UBA2: variants seen among roughly 807,000 people sequenced by gnomAD.
UBA2 encodes SUMO-activating enzyme subunit 2.
UBA2 carries 11 observed loss-of-function variants against 77.2 expected under a neutral mutation model. The ratio of observed to expected loss-of-function variants is 0.14; its 90% confidence interval spans 0.09 to 0.24. UBA2 has a LOEUF of 0.24. UBA2 is among the 10% of genes least tolerant of loss of function. The probability of loss-of-function intolerance (pLI) is 1.00; values close to 1 mark genes in which losing one functional copy is unlikely to be tolerated. For missense variants in UBA2, 487 were observed against 781.7 expected (o/e 0.62, Z 4.50); for synonymous variants, 278 against 276.7 (o/e 1.00, Z -0.05).
chr19:34,450,007 C>A (rs574730392), intron 8 of UBA2, among the ~76,000 whole-genome samples: 1 of 152,224 alleles, frequency 6.6e-6, no homozygotes, highest in South Asian at 2.1e-4. Context: ...CTTAGGAAGG[C>A]AGGGGCAGTC....
At chr19:34,439,838 A>G (rs551778523) in intron 6 of UBA2, among the ~76,000 whole-genome samples, 1 of 151,934 alleles carries the variant, frequency 6.6e-6, no homozygotes, top group Non-Finnish European at 1.5e-5. Flanking sequence ...AAGAAAGAAA[A>G]AAAGAATGAG....
intron 7 of UBA2, 104 bp downstream of exon 7, chr19:34,444,015 A>G (rs1472291808): frequency 5.5e-6 from 3 of 543,854 alleles, no homozygotes; most frequent in Non-Finnish European, 9.9e-6. Flanking sequence ...TGTGCTAGGT[A>G]ATGTGTGTTT....
intron 4 of UBA2, among the ~76,000 whole-genome samples, chr19:34,433,757 C>T (rs182081954): frequency 2.0e-5 from 3 of 152,192 alleles, no homozygotes; most frequent in African/African-American, 7.2e-5. Flanking sequence ...GTCAGGAGTT[C>T]GAGACCAACC....
intron 12 of UBA2, among the ~76,000 whole-genome samples, chr19:34,456,874 A>G (rs114351382): frequency 2.8e-4 from 43 of 152,090 alleles, no homozygotes; most frequent in African/African-American, 9.2e-4. Context: ...CAGTTTTTAA[A>G]TTATTTAAAA....
At chr19:34,432,919 T>C (rs1418899623) in intron 3 of UBA2, among the ~76,000 whole-genome samples, 1 of 152,154 alleles carries the variant, frequency 6.6e-6, no homozygotes, top group Non-Finnish European at 1.5e-5. Flanking sequence ...ATAACCTCCT[T>C]ACCCTGTGTT....
intron 2 of UBA2, 69 bp from the exon 3 acceptor site, chr19:34,431,792 G>A: frequency 7.2e-7 from 1 of 1,381,476 alleles, no homozygotes; most frequent in South Asian, 1.2e-5. Flanking sequence ...ACAGCATTGT[G>A]GCTTCCAGAA....
At chr19:34,459,072 C>T (rs2075603527) in intron 13 of UBA2, 148 bp downstream of exon 13, 2 of 815,108 alleles carry the variant, frequency 2.5e-6, no homozygotes, top group African/African-American at 3.5e-5. Flanking sequence ...TGGATTCCTG[C>T]AGGCTTTTCT....
At chr19:34,437,638 G>T (rs1383822905) in intron 5 of UBA2, among the ~76,000 whole-genome samples, 26 of 152,078 alleles carry the variant, frequency 1.7e-4, no homozygotes, top group Non-Finnish European at 3.8e-4. Context: ...AGAGACTGAG[G>T]TTAGGAATAT....
chr19:34,458,922 A>G lies in UBA2; in HGVS notation c.1399A>G (p.Lys467Glu). 6.2e-7 allele frequency: 1 copy of G among 1,613,228 alleles called. No homozygotes were observed. Among genetic ancestry groups the G allele is most frequent in the East Asian group, 2.2e-5 (1 of 44,846 alleles). Residue 467 changes from lysine (K) to glutamate (E), a missense_variant and splice_region_variant, in exon 13 of 17, where the codon AAG becomes GAG. Around this residue, in one of 9 missense-constraint regions of UBA2, gnomAD observed 300 missense variants for 454.3 expected, o/e 0.66. Transcript: ENST00000246548. ...AGTGACTGTTCTCACCTTACAAGACAAGGTCAGTGCAAGGCCTGGGTCTCT... is the reference window on the plus strand; with the variant it reads ...AGTGACTGTTCTCACCTTACAAGACGAGGTCAGTGCAAGGCCTGGGTCTCT... Reference protein sequence around the residue: ...HKVTVLTLQDKIVKEKFAMVA... With the variant: ...HKVTVLTLQDEIVKEKFAMVA...
At chr19:34,458,578 AAAAAAAAAAAAAAAG>A in intron 12 of UBA2, 176 bp from the exon 13 acceptor site, 1 of 377,056 alleles carries the variant, frequency 2.7e-6, no homozygotes, top group Non-Finnish European at 4.7e-6. Context: ...AAAAAAAAAA[AAAAAAAAAAAAAAAG>A]AAGGTTGAAA....
intron 3 of UBA2, among the ~76,000 whole-genome samples, chr19:34,432,662 A>T (rs2075268485): frequency 6.6e-6 from 1 of 152,052 alleles, no homozygotes; most frequent in South Asian, 2.1e-4. Context: ...GGTTCAAGCG[A>T]TTCTCCTGTC....
chr19:34,438,822 C>T, intron 6 of UBA2, 56 bp downstream of exon 6: 1 of 1,597,182 alleles, frequency 6.3e-7, no homozygotes. Context: ...AAAATGGAGT[C>T]ATTTTTATTT....
chr19:34,462,194 C>T (rs2075638824), intron 14 of UBA2, among the ~76,000 whole-genome samples: 1 of 152,108 alleles, frequency 6.6e-6, no homozygotes. Context: ...AGGGTTTAAA[C>T]AGGGGAGTAG....
At position 34,435,317 on chromosome 19, in the gene UBA2, G is replaced by A. The variant is rs567624324; in HGVS notation, c.459+349G>A. ...GGAGGCTGAGCCAGGCGAATCACTT[G>A]AACCTGAGAGGCAGAGGTTGCAGTA... On this transcript the variant is annotated intron_variant, in intron 5 of 16. Transcript: ENST00000246548. 8.7e-4 allele frequency among the ~76,000 whole-genome samples: 132 copies of A among 152,328 alleles called. 1 individual carries two copies. Among genetic ancestry groups the A allele is most frequent in the Middle Eastern group, 3.4e-3 (1 of 294 alleles).
intron 6 of UBA2, 71 bp from the exon 7 acceptor site, chr19:34,443,773 G>A: frequency 9.5e-7 from 1 of 1,049,468 alleles, no homozygotes; most frequent in Non-Finnish European, 1.5e-6. Flanking sequence ...TAAATATTTG[G>A]AATATTCTAA....
intron 16 of UBA2, 119 bp downstream of exon 16, chr19:34,467,133 G>A: frequency 8.1e-7 from 1 of 1,228,450 alleles, no homozygotes; most frequent in South Asian, 1.5e-5. Context: ...GTATTGGTTT[G>A]GTATTGATTG....
At chr19:34,428,789 C>T (rs2075217696) in intron 1 of UBA2, 4 of 1,146,708 alleles carry the variant, frequency 3.5e-6, no homozygotes, top group Non-Finnish European at 4.3e-6. Context: ...CGGCTCCGGA[C>T]GCCGAGGAGG....
Position 34,470,096 on chromosome 19 carries a change from A to AC in UBA2, c.*875_*876insC, listed in dbSNP as rs1366775206. 1 of 151,266 alleles carries AC rather than the reference A, an allele frequency of 6.6e-6. No homozygotes were observed. Among genetic ancestry groups the AC allele is most frequent in the African/African-American group, 2.4e-5 (1 of 41,052 alleles). The allele number at this position is 151,266 out of a possible 1,614,324, so 9.4% of individuals were successfully genotyped here. ...ATGGTGAAACCCCATCTCTACTAAA[A>AC]AAAAAAAAAAAAATTAGCCGGGCCT... On this transcript the variant is annotated 3_prime_UTR_variant, in exon 17 of 17. Coordinates refer to ENST00000246548, the MANE Select transcript of UBA2 (RefSeq NM_005499.3).
intron 14 of UBA2, among the ~76,000 whole-genome samples, chr19:34,461,811 AAAACTAG>A (rs142658514): frequency 0.04 from 6,090 of 152,312 alleles, 179 homozygotes; most frequent in Admixed American, 0.11. Flanking sequence ...TCGTCCAAGG[AAAACTAG>A]AAAGAGTGTG....
Sources: allele counts gnomAD v4.1 joint callset (sites outside exome capture counted in the v4.1 genomes callset), GRCh38; gene constraint gnomAD v4.1.1; regional missense constraint gnomAD v4.1.1; transcripts MANE v1.5; gene names NCBI Gene and HGNC (gene_info 2026-07-23, HGNC 2026-07-21).